Variants in RGL3 observed in about 807,000 individuals in gnomAD.
The protein encoded by RGL3 is ral guanine nucleotide dissociation stimulator-like 3.
In RGL3, 85 loss-of-function variants were observed where a neutral mutation model predicts 90.6. The observed-to-expected ratio is 0.94, with a 90% CI of 0.79 to 1.12. The LOEUF is 1.12. Ranked by LOEUF, RGL3 falls within the 50% of genes most tolerant of loss-of-function variation. The probability of loss-of-function intolerance (pLI) is 0.00; values close to 1 mark genes in which losing one functional copy is unlikely to be tolerated. For missense variants in RGL3, 1,034 were observed against 939.2 expected (o/e 1.10, Z -1.32); for synonymous variants, 408 against 385.5 (o/e 1.06, Z -0.68).
intron 2 of RGL3, 103 bp from the exon 3 acceptor site, chr19:11,417,162 T>C: frequency 4.2e-6 from 4 of 948,322 alleles, no homozygotes; most frequent in Non-Finnish European, 6.1e-6. Context: ...TTTTTTGTTT[T>C]TTTTTTTGAG....
At chr19:11,409,983 G>C (rs907488376) in intron 5 of RGL3, among the ~76,000 whole-genome samples, 59 of 151,726 alleles carry the variant, frequency 3.9e-4, no homozygotes, top group African/African-American at 1.4e-3. Context: ...CTGTCGCCCA[G>C]GCTGGAGTGC....
At chr19:11,417,696 T>A (rs1487022670) in intron 2 of RGL3, among the ~76,000 whole-genome samples, 1 of 151,378 alleles carries the variant, frequency 6.6e-6, no homozygotes, top group Non-Finnish European at 1.5e-5. Flanking sequence ...GGTCTTGAAC[T>A]CCTGACCTGA....
intron 16 of RGL3, among the ~76,000 whole-genome samples, chr19:11,399,359 G>A (rs1968631262): frequency 6.6e-6 from 1 of 152,202 alleles, no homozygotes; most frequent in Middle Eastern, 3.4e-3. Flanking sequence ...TTGAGCTCAG[G>A]AGTTCGAAAC....
At chr19:11,394,758 C>G (rs1364579666) in intron 18 of RGL3, 1 of 454,282 alleles carries the variant, frequency 2.2e-6, no homozygotes, top group African/African-American at 2.0e-5. Flanking sequence ...CTAATATTCT[C>G]CCCCTCACCA....
intron 18 of RGL3, among the ~76,000 whole-genome samples, chr19:11,396,910 C>T (rs1175514308): frequency 4.6e-5 from 7 of 151,904 alleles, no homozygotes; most frequent in African/African-American, 9.7e-5. Context: ...TCAAGTGATC[C>T]GCCCAGCTTG....
intron 5 of RGL3, among the ~76,000 whole-genome samples, chr19:11,408,419 T>TA (rs1249016540): frequency 2.0e-5 from 3 of 150,318 alleles, no homozygotes; most frequent in Non-Finnish European, 4.4e-5. Flanking sequence ...CCGTCTCTAC[T>TA]AAAAAAAAAT....
Position 11,394,076 on chromosome 19 carries a change from A to G in RGL3, c.*326T>C, listed in dbSNP as rs1283942220. 3 of 258,246 alleles carry G rather than the reference A, an allele frequency of 1.2e-5. No homozygotes were observed. Among genetic ancestry groups the G allele is most frequent in the Non-Finnish European group, 2.3e-5 (3 of 129,830 alleles). The allele number at this position is 258,246 out of a possible 1,614,324, so 16.0% of individuals were successfully genotyped here. A position where few individuals can be genotyped will look rare whatever the true frequency, so the allele number is the denominator to read the frequency against. ...TGACACCTGTTTCATAACTCTGGTC[A>G]CTATTTTCATCCGCATCTGTCACTT... On this transcript the variant is annotated 3_prime_UTR_variant, in exon 19 of 19. Coordinates refer to ENST00000380456, the MANE Select transcript of RGL3 (RefSeq NM_001035223.4).
At chr19:11,405,492 ATCTTTTTTTTTT>A in intron 7 of RGL3, 66 bp from the exon 8 acceptor site, 1 of 132,452 alleles carries the variant, frequency 7.5e-6, no homozygotes, top group South Asian at 8.4e-5. Flanking sequence ...AAACTTCTTC[ATCTTTTTTTTTT>A]TTTTTTTTTT....
chr19:11,413,900 C>T (rs1968914211), intron 5 of RGL3, among the ~76,000 whole-genome samples: 1 of 148,280 alleles, frequency 6.7e-6, no homozygotes, highest in Non-Finnish European at 1.5e-5. Context: ...CTCGCCACCA[C>T]GCCCGGCTAA....
chr19:11,412,644 G>A (rs1187094665), intron 5 of RGL3, among the ~76,000 whole-genome samples: 1 of 151,808 alleles, frequency 6.6e-6, no homozygotes. Context: ...AGTCCAGCCT[G>A]GGCAACAGAG....
In RGL3 at chr19:11,399,528, C is replaced by T. The variant is rs570188976; in HGVS notation, c.1746+327G>A. The stretch of plus-strand genomic sequence containing the variant: ...AAGTTGCGGTGAGCTGAGATTGCAC[C>T]GCTGCACTTCAGCCTGGGTGACAGA... On this transcript the variant is annotated intron_variant, in intron 16 of 18. Coordinates refer to ENST00000380456, the MANE Select transcript of RGL3 (RefSeq NM_001035223.4). 1.2e-4 allele frequency among the ~76,000 whole-genome samples: 18 copies of T among 152,110 alleles called. No homozygotes were observed. The East Asian group carries it at 2.7e-3, about 23-fold the overall frequency.
At chr19:11,399,003 T>C (rs1968624994) in intron 16 of RGL3, among the ~76,000 whole-genome samples, 1 of 152,012 alleles carries the variant, frequency 6.6e-6, no homozygotes, top group South Asian at 2.1e-4. Context: ...CGCTCTATCA[T>C]GCAGGCTAGA....
At chr19:11,416,492 C>T (rs1417110259) in intron 4 of RGL3, 122 bp downstream of exon 4, 3 of 975,516 alleles carry the variant, frequency 3.1e-6, no homozygotes, top group Non-Finnish European at 4.9e-6. Context: ...AGCCACCACG[C>T]CCCACCTGAC....
chr19:11,415,035 C>T (rs984205929), intron 5 of RGL3, among the ~76,000 whole-genome samples: 1 of 151,450 alleles, frequency 6.6e-6, no homozygotes, highest in African/African-American at 2.4e-5. Context: ...GAGGCTGAGA[C>T]AGGAGAATGG....
intron 5 of RGL3, 125 bp from the exon 6 acceptor site, chr19:11,406,989 A>ATTT: frequency 9.9e-7 from 1 of 1,015,176 alleles, no homozygotes; most frequent in Non-Finnish European, 1.4e-6. Context: ...AGCTCTCTTA[A>ATTT]ATTTTTTTTT....
chr19:11,416,450 C>T (rs1043922765), intron 4 of RGL3, 164 bp downstream of exon 4: 32 of 747,966 alleles, frequency 4.3e-5, no homozygotes, highest in Non-Finnish European at 5.6e-5. Context: ...CCACCTGCCT[C>T]GGCCTCCCAA....
Position 11,402,517 on chromosome 19 carries a change from A to G in RGL3, c.1267T>C (p.Tyr423His), listed in dbSNP as rs1968697871. 1 of 1,605,226 alleles carries G rather than the reference A, an allele frequency of 6.2e-7. No individual in the cohort carries two copies. Among genetic ancestry groups the G allele is most frequent in the South Asian group, 1.1e-5 (1 of 90,340 alleles). Residue 423 changes from tyrosine (Y) to histidine (H), a missense_variant, in exon 11 of 19, where the codon TAC becomes CAC. Tyr to His is a moderately conservative substitution (Grantham distance 83). Transcript: ENST00000380456. ...PSKPPPGPVP[Y>H]LGTFLTDLVM... ...AGGTCCGTAAGGAAGGTGCCAAGGT[A>G]GGGGACAGGGCCTGGGGGTGGTTTC...
chr19:11,404,671 T>A (rs1269520177), intron 9 of RGL3, among the ~76,000 whole-genome samples: 1 of 151,780 alleles, frequency 6.6e-6, no homozygotes, highest in African/African-American at 2.4e-5. Context: ...CAGAAGGAGG[T>A]GAGTGAGCAA....
At chr19:11,413,733 TATA>T (rs1197814397) in intron 5 of RGL3, among the ~76,000 whole-genome samples, 1 of 148,958 alleles carries the variant, frequency 6.7e-6, no homozygotes, top group Non-Finnish European at 1.5e-5. Flanking sequence ...TAATTATTAT[TATA>T]ATTTTGTTTT....
Sources: gnomAD v4.1 joint callset for allele counts (sites outside exome capture counted in the v4.1 genomes callset) on GRCh38, gnomAD v4.1.1 for gene constraint, MANE v1.5 for transcripts, NCBI Gene and HGNC (gene_info 2026-07-23, HGNC 2026-07-21) for gene names.